The following DLG1 variants were observed in gnomAD, a reference collection of about 807,000 sequenced individuals.
The protein encoded by DLG1 is disks large homolog 1.
A neutral mutation model predicts 123.4 loss-of-function variants in DLG1; 42 were observed. The observed-to-expected ratio is 0.34, with a 90% confidence interval of 0.27 to 0.44. DLG1 has a LOEUF of 0.44. Among genes scored for constraint, DLG1 ranks in the 20% least tolerant of loss-of-function variants. DLG1 has a pLI of 1.00. For synonymous variants in DLG1, 317 were observed against 356.2 expected, an observed-to-expected ratio of 0.89 and a Z score of 1.24; for missense variants, 942 against 1,082.6, an observed-to-expected ratio of 0.87 and a Z score of 1.82.
chr3:197,268,797 T>G (rs553385616), intron 4 of DLG1, among the ~76,000 whole-genome samples: 2 of 152,092 alleles, frequency 1.3e-5, no homozygotes, highest in South Asian at 4.1e-4. Context: ...GGTACAAAAT[T>G]TTTTCTTTCT....
chr3:197,122,642 G>C (rs756932267), intron 11 of DLG1, among the ~76,000 whole-genome samples: 2 of 152,070 alleles, frequency 1.3e-5, no homozygotes, highest in African/African-American at 2.4e-5. Context: ...CTATATATCA[G>C]TTAAAATTAG....
At chr3:197,173,727 T>G (rs1272644029) in intron 5 of DLG1, among the ~76,000 whole-genome samples, 1 of 152,250 alleles carries the variant, frequency 6.6e-6, no homozygotes, top group Non-Finnish European at 1.5e-5. Flanking sequence ...CAGTAATTGT[T>G]GCAACTATCC....
intron 11 of DLG1, among the ~76,000 whole-genome samples, chr3:197,122,606 CAATT>C (rs1260395820): frequency 6.6e-6 from 1 of 152,012 alleles, no homozygotes; most frequent in African/African-American, 2.4e-5. Context: ...GTTGACTAAG[CAATT>C]AATATACAAA....
At position 197,257,584 on chromosome 3, in the gene DLG1, T is replaced by C. The variant is rs901775071; in HGVS notation, c.318+25095A>G. Among the ~76,000 whole-genome samples, 5 of 152,148 alleles carry C rather than the reference T, an allele frequency of 3.3e-5. 1 individual carries two copies. Among genetic ancestry groups the C allele is most frequent in the South Asian group, 4.1e-4 (2 of 4,832 alleles). Reference sequence around the variant, plus strand: ...TGGGTAAAAGCATCTTTCAAGCTCCTTCTCTTTCATAATCCTTTTATTCCT... The same window carrying C: ...TGGGTAAAAGCATCTTTCAAGCTCCCTCTCTTTCATAATCCTTTTATTCCT... On this transcript the variant is annotated intron_variant, in intron 4 of 24. Transcript: ENST00000667157.
chr3:197,080,265 TC>T (rs1560519177), intron 17 of DLG1, among the ~76,000 whole-genome samples: 2 of 127,912 alleles, frequency 1.6e-5, no homozygotes, highest in Non-Finnish European at 3.2e-5. Flanking sequence ...TTGATATATT[TC>T]CTTTTTTTTT....
chr3:197,142,746 T>C lies in DLG1; in HGVS notation c.560A>G (p.Tyr187Cys), dbSNP rs761344305. ...PTYVNGTDAD[Y>C]EYEEITLERG... ...TTCAAGTGTGATTTCTTCATATTCATAATCTGCATCTGTGCCATTAACCTA... is the reference window on the plus strand; with the variant it reads ...TTCAAGTGTGATTTCTTCATATTCACAATCTGCATCTGTGCCATTAACCTA... Residue 187 changes from tyrosine to cysteine, a missense_variant, in exon 7 of 25, where the codon TAT (tyrosine) becomes TGT (cysteine). By Grantham distance (194) the Tyr-to-Cys change is radical. Coordinates refer to ENST00000667157, the MANE Select transcript of DLG1 (RefSeq NM_001366207.1). The C allele has an allele frequency of 2.5e-6, 4 of 1,609,672 alleles. No homozygotes were observed. In the South Asian group the frequency reaches 4.5e-5, roughly 18 times the overall value.
chr3:197,131,584 CTTTTTTTT>C (rs773487577), intron 10 of DLG1, among the ~76,000 whole-genome samples: 14 of 65,768 alleles, frequency 2.1e-4, no homozygotes, highest in South Asian at 8.0e-4. Flanking sequence ...TTCTTCCTTT[CTTTTTTTT>C]TTTTTTTTTT....
At chr3:197,167,989 C>A (rs1802256607) in intron 5 of DLG1, among the ~76,000 whole-genome samples, 1 of 152,144 alleles carries the variant, frequency 6.6e-6, no homozygotes, top group Non-Finnish European at 1.5e-5. Flanking sequence ...ACTTTGATAG[C>A]CAAAATAAGA....
chr3:197,266,596 C>A (rs1034213654), intron 4 of DLG1, among the ~76,000 whole-genome samples: 1 of 151,890 alleles, frequency 6.6e-6, no homozygotes, highest in Non-Finnish European at 1.5e-5. Flanking sequence ...CTGGGCGACG[C>A]AGCAAGACCC....
At chr3:197,283,543 A>G (rs1770369338) in intron 3 of DLG1, among the ~76,000 whole-genome samples, 1 of 152,244 alleles carries the variant, frequency 6.6e-6, no homozygotes, top group South Asian at 2.1e-4. Flanking sequence ...AATTTAAAAG[A>G]TCAAATGACT....
At chr3:197,297,499 A>C (rs1579637121) in intron 1 of DLG1, 1 of 1,247,854 alleles carries the variant, frequency 8.0e-7, no homozygotes, top group Non-Finnish European at 1.0e-6. Flanking sequence ...AAGAGCCTAG[A>C]CCTGAGGCCG....
Position 197,065,354 on chromosome 3 carries a change from A to T in DLG1, c.2295T>A (p.His765Gln). 6.2e-7 allele frequency: 1 copy of T among 1,613,476 alleles called. No individual in the cohort carries two copies. ...REQMEKDIQE[H>Q]KFIEAGQYNN... ...TATACTGGCCAGCTTCAATGAATTT[A>T]TGTTCCTGGATATCTTTTTCCATCT... The change falls in exon 22 of 25, where the codon CAT (histidine) becomes CAA (glutamine). Residue 765 changes from histidine to glutamine, a missense_variant. Transcript: ENST00000667157.
chr3:197,194,831 T>A (rs1056669407), intron 4 of DLG1, among the ~76,000 whole-genome samples: 1 of 152,164 alleles, frequency 6.6e-6, no homozygotes, highest in African/African-American at 2.4e-5. Context: ...GAATATTGAT[T>A]GCTCATTTCT....
intron 9 of DLG1, among the ~76,000 whole-genome samples, chr3:197,137,785 T>C (rs1314424306): frequency 1.3e-5 from 2 of 151,648 alleles, no homozygotes; most frequent in East Asian, 1.9e-4. Flanking sequence ...GCCTAGGCAA[T>C]GCAGGGAGGC....
At position 197,119,373 on chromosome 3, in the gene DLG1, G is replaced by C; in HGVS notation, c.1286+37C>G. 3.3e-6 allele frequency: 5 copies of C among 1,518,516 alleles called. No homozygotes were observed. In the South Asian group the frequency reaches 6.3e-5, roughly 19 times the overall value. 94.1% of individuals were successfully genotyped at this position (1,518,516 alleles called of 1,614,324 possible). ...CTGATTAAAATTCAATTTAATAGTT[G>C]ATTTTATGTAAGAAGGATAAATGTT... On this transcript the variant is annotated intron_variant, in intron 12 of 24. Coordinates refer to ENST00000667157, the MANE Select transcript of DLG1 (RefSeq NM_001366207.1).
intron 13 of DLG1, among the ~76,000 whole-genome samples, chr3:197,111,186 G>T (rs1174394873): frequency 3.9e-5 from 6 of 152,148 alleles, no homozygotes; most frequent in Admixed American, 1.3e-4. Flanking sequence ...TCACATTAGG[G>T]TGAGCTACTT....
At chr3:197,212,433 C>T (rs568156599) in intron 4 of DLG1, among the ~76,000 whole-genome samples, 9 of 152,312 alleles carry the variant, frequency 5.9e-5, no homozygotes, top group African/African-American at 2.2e-4. Flanking sequence ...TGACTGTTCG[C>T]ACTGAAAACC....
At chr3:197,172,198 G>T (rs1408623325) in intron 5 of DLG1, among the ~76,000 whole-genome samples, 2 of 152,104 alleles carry the variant, frequency 1.3e-5, no homozygotes, top group Non-Finnish European at 2.9e-5. Flanking sequence ...TAATGCTGCA[G>T]TATAATGTAT....
intron 13 of DLG1, among the ~76,000 whole-genome samples, chr3:197,105,664 T>C (rs1765931896): frequency 6.6e-6 from 1 of 152,228 alleles, no homozygotes; most frequent in South Asian, 2.1e-4. Context: ...AGAGGCAACT[T>C]AATTCTTATT....
Sources: gnomAD v4.1 joint callset for allele counts (sites outside exome capture counted in the v4.1 genomes callset) on GRCh38, gnomAD v4.1.1 for gene constraint, MANE v1.5 for transcripts, NCBI Gene and HGNC (gene_info 2026-07-23, HGNC 2026-07-21) for gene names.